The following DDR2 variants were observed in gnomAD, a reference collection of about 807,000 sequenced individuals.
DDR2 encodes discoidin domain receptor tyrosine kinase 2, also known as discoidin domain-containing receptor 2.
Under a neutral mutation model 94.9 loss-of-function variants are expected in DDR2, and 27 were observed. The observed-to-expected ratio is 0.28, with a 90% CI of 0.21 to 0.39. The LOEUF (loss-of-function observed/expected upper bound fraction) is 0.39, where lower values mean the gene tolerates loss of function less well. Ranked by LOEUF, DDR2 falls within the 10% of genes least tolerant of loss-of-function variation. The pLI is 1.00. For missense variants in DDR2, 783 were observed against 1,076.0 expected (o/e 0.73, Z 3.81); for synonymous variants, 382 against 377.2 (o/e 1.01, Z -0.15).
intron 2 of DDR2, among the ~76,000 whole-genome samples, chr1:162,673,054 A>G (rs1437964713): frequency 1.3e-5 from 2 of 152,212 alleles, no homozygotes; most frequent in African/African-American, 4.8e-5. Flanking sequence ...TTCTTTAATT[A>G]TGGGCTCTAA....
intron 3 of DDR2, among the ~76,000 whole-genome samples, chr1:162,745,910 G>A (rs993292296): frequency 2.6e-5 from 4 of 152,040 alleles, no homozygotes; most frequent in African/African-American, 4.8e-5. Context: ...CGTTTCAATT[G>A]TTCTTTTTTT....
chr1:162,774,428 G>C (rs757501787), intron 14 of DDR2, among the ~76,000 whole-genome samples: 4 of 151,142 alleles, frequency 2.6e-5, no homozygotes, highest in South Asian at 4.1e-4. Context: ...TAAATTCCAA[G>C]AATGGTGATA....
chr1:162,777,068 G>T (rs923174664), intron 16 of DDR2, among the ~76,000 whole-genome samples: 1 of 151,974 alleles, frequency 6.6e-6, no homozygotes, highest in Admixed American at 6.6e-5. Context: ...ATTTGGTTTT[G>T]TTCATTTATG....
At chr1:162,707,272 T>C (rs1660704320) in intron 2 of DDR2, among the ~76,000 whole-genome samples, 1 of 152,226 alleles carries the variant, frequency 6.6e-6, no homozygotes, top group Non-Finnish European at 1.5e-5. Context: ...CCTAAGGCAA[T>C]TGAGCCTTAC....
At chr1:162,729,292 ATATATATATTTTTTTTTT>A (rs1661884333) in intron 3 of DDR2, among the ~76,000 whole-genome samples, 1 of 23,830 alleles carries the variant, frequency 4.2e-5, no homozygotes, top group Non-Finnish European at 9.5e-5. Flanking sequence ...ATATATATAT[ATATATATATTTTTTTTTT>A]TTTTTTTTTT....
intron 3 of DDR2, among the ~76,000 whole-genome samples, chr1:162,752,652 G>C (rs1402096942): frequency 6.6e-6 from 1 of 152,096 alleles, no homozygotes; most frequent in East Asian, 1.9e-4. Context: ...TTTCTTTATA[G>C]TTTTTATGCA....
rs1662620639 is a variant in DDR2, at chr1:162,741,666, C to T, written c.83-11429C>T. On this transcript the variant is annotated intron_variant, in intron 3 of 17. Coordinates refer to ENST00000367921, the MANE Select transcript of DDR2 (RefSeq NM_006182.4). ...GCCTTGGACAGCTAGATCTTCTCCCCAGGAGGTGCCTGAGGGAGACATACA... is the reference window on the plus strand; with the variant it reads ...GCCTTGGACAGCTAGATCTTCTCCCTAGGAGGTGCCTGAGGGAGACATACA... 20 of 985,220 alleles carry T rather than the reference C, an allele frequency of 2.0e-5. No homozygotes were observed. In the South Asian group the frequency reaches 7.0e-4, roughly 35 times the overall value. 61.0% of individuals were successfully genotyped at this position (985,220 alleles called of 1,614,324 possible).
intron 2 of DDR2, among the ~76,000 whole-genome samples, chr1:162,703,154 A>G (rs866085412): frequency 9.9e-5 from 15 of 152,238 alleles, no homozygotes; most frequent in African/African-American, 2.2e-4. Flanking sequence ...TCAGAAGTAT[A>G]TAAGGCATTG....
At chr1:162,751,086 G>A (rs192239759) in intron 3 of DDR2, among the ~76,000 whole-genome samples, 18 of 152,246 alleles carry the variant, frequency 1.2e-4, no homozygotes, top group Non-Finnish European at 1.3e-4. Context: ...ATAGGCATGG[G>A]CAAGGACTTC....
intron 3 of DDR2, among the ~76,000 whole-genome samples, chr1:162,727,529 T>C (rs946487906): frequency 6.9e-6 from 1 of 145,802 alleles, no homozygotes; most frequent in Admixed American, 6.9e-5. Context: ...AATAAATAAA[T>C]AAAAATAAAA....
rs1037607199 is a variant in DDR2 at position 162,767,567 on chromosome 1, C to T, written c.1293+208C>T. Among the ~76,000 whole-genome samples the T allele has an allele frequency of 3.9e-5, 6 of 152,130 alleles. No homozygotes were observed. In the East Asian group the frequency reaches 5.8e-4, roughly 15 times the overall value. ...AGTGGAGATGTTGGAACCTTCCTAA[C>T]GTTCCTCGGAAATGCAGAAAACTCT... On this transcript the variant is annotated intron_variant, in intron 11 of 17. Transcript: ENST00000367921.
At chr1:162,759,300 T>C (rs764934005) in intron 7 of DDR2, among the ~76,000 whole-genome samples, 3 of 152,292 alleles carry the variant, frequency 2.0e-5, no homozygotes, top group Admixed American at 2.0e-4. Flanking sequence ...AATGACAATA[T>C]GTAGTTAAAG....
At chr1:162,729,016 C>T (rs1416056941) in intron 3 of DDR2, among the ~76,000 whole-genome samples, 1 of 151,726 alleles carries the variant, frequency 6.6e-6, no homozygotes, top group Admixed American at 6.6e-5. Context: ...TGGAAAATTA[C>T]ATGCAAATAT....
chr1:162,741,404 T>A (rs2102087471), intron 3 of DDR2, among the ~76,000 whole-genome samples: 1 of 150,450 alleles, frequency 6.6e-6, no homozygotes, highest in East Asian at 1.9e-4. Flanking sequence ...GTCATGCTGG[T>A]GTTCAAAAAG....
At chr1:162,631,644 ATTAG>A (rs1656562994), upstream of DDR2, among the ~76,000 whole-genome samples, 1 of 152,098 alleles carries the variant, frequency 6.6e-6, no homozygotes, top group Non-Finnish European at 1.5e-5. Flanking sequence ...GGAGAGGGTT[ATTAG>A]TTATCGTTTG....
At position 162,770,091 on chromosome 1, in the gene DDR2, A is replaced by G. The variant is rs143138014; in HGVS notation, c.1294-211A>G. On this transcript the variant is annotated intron_variant, in intron 11 of 17. Transcript: ENST00000367921. ...CACATCATAGAAATTAGAAGATCAAATTCTACCTTGAAGAAATGAAGGATT... is the reference window on the plus strand; with the variant it reads ...CACATCATAGAAATTAGAAGATCAAGTTCTACCTTGAAGAAATGAAGGATT... 3.4e-3 allele frequency among the ~76,000 whole-genome samples: 514 copies of G among 152,240 alleles called. 4 individuals carry two copies. Among genetic ancestry groups the G allele is most frequent in the African/African-American group, 0.012 (503 of 41,544 alleles).
chr1:162,694,820 G>A (rs906963271), intron 2 of DDR2, among the ~76,000 whole-genome samples: 1 of 152,168 alleles, frequency 6.6e-6, no homozygotes, highest in African/African-American at 2.4e-5. Flanking sequence ...TCACAAAAAA[G>A]CAGACTAGCT....
chr1:162,702,489 C>CTAT (rs1660475799), intron 2 of DDR2, among the ~76,000 whole-genome samples: 1 of 152,144 alleles, frequency 6.6e-6, no homozygotes, highest in Admixed American at 6.5e-5. Context: ...GTGTGCGACT[C>CTAT]TGAGTATAGG....
At chr1:162,768,158 T>C (rs1466316224) in intron 11 of DDR2, among the ~76,000 whole-genome samples, 2 of 152,252 alleles carry the variant, frequency 1.3e-5, no homozygotes, top group African/African-American at 2.4e-5. Flanking sequence ...ATTGTTAATA[T>C]TGAAATGCAT....
Sources: gnomAD v4.1 joint callset for allele counts (sites outside exome capture counted in the v4.1 genomes callset) on GRCh38, gnomAD v4.1.1 for gene constraint, MANE v1.5 for transcripts, NCBI Gene and HGNC (gene_info 2026-07-23, HGNC 2026-07-21) for gene names.